The following PLXNA1 variants were observed in gnomAD, a reference collection of about 807,000 sequenced individuals.
The protein encoded by PLXNA1 is plexin-A1.
In PLXNA1, 77 loss-of-function variants were observed where a neutral mutation model predicts 191.7. The ratio of observed to expected loss-of-function variants is 0.40; its 90% CI spans 0.33 to 0.49. The LOEUF is 0.49. PLXNA1 is among the 20% of genes least tolerant of loss of function. The pLI is 0.63. For synonymous variants in PLXNA1, 1,137 were observed against 1,156.4 expected (o/e 0.98, Z 0.34); for missense variants, 2,110 against 2,660.2 (o/e 0.79, Z 4.55).
intron 28 of PLXNA1, 55 bp from the exon 29 acceptor site, chr3:127,030,188 G>A: frequency 1.3e-6 from 2 of 1,598,432 alleles, no homozygotes; most frequent in Non-Finnish European, 8.5e-7. Flanking sequence ...CACCCAGGAG[G>A]TGTAGGCAGC....
Position 126,989,509 on chromosome 3 carries a change from G to A in PLXNA1, c.916G>A (p.Gly306Ser), listed in dbSNP as rs932141090. 3 of 1,613,368 alleles carry A rather than the reference G, an allele frequency of 1.9e-6. No homozygotes were observed. The highest frequency in any genetic ancestry group is 2.5e-6 in the Non-Finnish European group (3 of 1,180,034). Residue 306 changes from glycine (G) to serine (S), a missense_variant, in exon 2 of 32, where the codon GGT becomes AGT. Coordinates refer to ENST00000393409, the MANE Select transcript of PLXNA1 (RefSeq NM_032242.4). ...GTTCCCCATTGGCTGCGAGCAGGCG[G>A]GTGTGGAGTACCGCCTGGTGCAGGA... ...VEFPIGCEQA[G>S]VEYRLVQDAY...
At chr3:126,996,861 C>T (rs1038798180) in intron 3 of PLXNA1, among the ~76,000 whole-genome samples, 2 of 152,184 alleles carry the variant, frequency 1.3e-5, no homozygotes, top group African/African-American at 4.8e-5. Context: ...ACTCCCGAGC[C>T]TGCAGGAGGG....
At chr3:127,020,131 A>G (rs2079145034) in intron 20 of PLXNA1, 71 bp from the exon 21 acceptor site, 1 of 1,572,192 alleles carries the variant, frequency 6.4e-7, no homozygotes, top group Non-Finnish European at 8.6e-7. Context: ...GTAGGCCCCA[A>G]GAGTGGGAGG....
At position 127,017,800 on chromosome 3, in the gene PLXNA1, G is replaced by T. The variant is rs778117692; in HGVS notation, c.3568G>T (p.Val1190Leu). ...CGGCAACTCCCGACTCAACTACACG[G>T]TGCTCATCGGCTCCACACCCTGTAC... is the stretch of plus-strand genomic sequence containing the variant. ...APGNSRLNYT[V>L]LIGSTPCTLT... The change falls in exon 19 of 32, where the codon GTG becomes TTG. Residue 1190 changes from valine (V) to leucine (L), a missense_variant. Coordinates refer to ENST00000393409, the MANE Select transcript of PLXNA1 (RefSeq NM_032242.4). The T allele has an allele frequency of 1.2e-6, 2 of 1,613,164 alleles. No individual in the cohort carries two copies. The highest frequency in any genetic ancestry group is 1.7e-5 in the Admixed American group (1 of 60,018).
At chr3:127,007,954 G>T in intron 9 of PLXNA1, 41 bp downstream of exon 9, 1 of 1,403,072 alleles carries the variant, frequency 7.1e-7, no homozygotes, top group South Asian at 1.2e-5. Context: ...TTCAGAGGTG[G>T]AGCAGAACTG....
intron 25 of PLXNA1, 110 bp from the exon 26 acceptor site, chr3:127,028,883 C>G: frequency 1.3e-6 from 1 of 750,548 alleles, no homozygotes. Flanking sequence ...ATGTCCCTGC[C>G]CTGTGCTGGT....
intron 4 of PLXNA1, among the ~76,000 whole-genome samples, chr3:127,003,740 TCCC>T (rs1340535928): frequency 1.3e-5 from 2 of 152,172 alleles, no homozygotes; most frequent in Non-Finnish European, 2.9e-5. Context: ...TTCCCACCCC[TCCC>T]CTGTTGACTT....
Position 127,017,558 on chromosome 3 carries a change from T to G in PLXNA1, c.3410T>G (p.Leu1137Arg). 1 of 1,613,776 alleles carries G rather than the reference T, an allele frequency of 6.2e-7. No homozygotes were observed. The change falls in exon 18 of 32, where the codon CTT becomes CGT. Residue 1137 changes from leucine (L) to arginine (R), a missense_variant. This residue lies in a region of PLXNA1 where 644 missense variants were observed against 714.3 expected (regional missense o/e 0.90). Coordinates refer to ENST00000393409, the MANE Select transcript of PLXNA1 (RefSeq NM_032242.4). ...GFVMDNVRSL[L>R]VLNSTSFLYY... is the part of the protein sequence containing the mutation. ...GTCATGGACAACGTGCGCTCCCTGC[T>G]TGTGCTCAACTCCACCTCCTTCCTC...
chr3:126,984,038 G>C (rs1225146408), intron 1 of PLXNA1, among the ~76,000 whole-genome samples: 1 of 152,202 alleles, frequency 6.6e-6, no homozygotes, highest in East Asian at 1.9e-4. Context: ...TCCAGGGTCA[G>C]CCGCTTCTCC....
rs752951132 is a variant in PLXNA1, at chr3:127,018,466, T to A, written c.3833T>A (p.Leu1278His). 1.2e-6 allele frequency: 2 copies of A among 1,612,840 alleles called. No homozygotes were observed. The highest frequency in any genetic ancestry group is 1.7e-6 in the Non-Finnish European group (2 of 1,179,824). ...AAGTCACGAGATGCTGACCGCACAC[T>A]CAAGCGGCTGCAGCTCCAGATGGAC... ...KRKSRDADRT[L>H]KRLQLQMDNL... The change falls in exon 20 of 32, where the codon CTC becomes CAC. Residue 1278 changes from leucine (L) to histidine (H), a missense_variant. Transcript: ENST00000393409.
Position 127,007,922 on chromosome 3 carries a change from G to A in PLXNA1, c.2112+9G>A, listed in dbSNP as rs777347091. 16 of 1,590,324 alleles carry A rather than the reference G, an allele frequency of 1.0e-5. No homozygotes were observed. The highest frequency in any genetic ancestry group is 2.2e-5 in the South Asian group (2 of 89,544). On this transcript the variant is annotated intron_variant, in intron 9 of 31. Coordinates refer to ENST00000393409, the MANE Select transcript of PLXNA1 (RefSeq NM_032242.4). The stretch of plus-strand genomic sequence containing the variant: ...GTGTCAACGTGTCTGAGGTAAGGCC[G>A]GGCAAGGGTGAGGGTCAGGTTTTCA...
intron 15 of PLXNA1, 123 bp from the exon 16 acceptor site, chr3:127,016,394 G>A: frequency 2.5e-6 from 2 of 815,962 alleles, no homozygotes; most frequent in Non-Finnish European, 4.0e-6. Flanking sequence ...GTGATAGTAT[G>A]CAGCCACCCA....
chr3:127,012,186 G>T (rs769157016), intron 10 of PLXNA1, 28 bp downstream of exon 10: 1 of 1,600,286 alleles, frequency 6.2e-7, no homozygotes, highest in East Asian at 2.3e-5. Flanking sequence ...GGGGCTGGGG[G>T]CCGTGAGCCG....
Position 127,006,087 on chromosome 3 carries a change from C to A in PLXNA1, c.1906C>A (p.Arg636=), listed in dbSNP as rs369477952. Residue 636 remains arginine (R), a synonymous_variant, in exon 8 of 32, where the codon CGG becomes AGG. Coordinates refer to ENST00000393409, the MANE Select transcript of PLXNA1 (RefSeq NM_032242.4). The stretch of plus-strand genomic sequence containing the variant: ...CCATGCTGCTCGTGCAGGAGACCAG[C>A]GGGTGGTGAAACTCTACCTAAAGTC... ...APITRGQGDQ[R]VVKLYLKSKE... The A allele has an allele frequency of 6.2e-7, 1 of 1,613,350 alleles. No individual in the cohort carries two copies. Among genetic ancestry groups the A allele is most frequent in the Non-Finnish European group, 8.5e-7 (1 of 1,179,672 alleles).
Position 127,034,087 on chromosome 3 carries a change from C to T in PLXNA1, c.*70C>T, listed in dbSNP as rs1477412959. 33 of 1,372,670 alleles carry T rather than the reference C, an allele frequency of 2.4e-5. No individual in the cohort carries two copies. The highest frequency in any genetic ancestry group is 3.2e-5 in the Non-Finnish European group (32 of 995,498). 85.0% of individuals were successfully genotyped at this position (1,372,670 alleles called of 1,614,324 possible). ...GAGCAGGGACCGGGACAGCCCTCAC[C>T]GCATGCGTGTGGAGTGTCCGGTGGT... On this transcript the variant is annotated 3_prime_UTR_variant, in exon 32 of 32. Transcript: ENST00000393409.
intron 21 of PLXNA1, among the ~76,000 whole-genome samples, 153 bp from the exon 22 acceptor site, chr3:127,021,932 C>T (rs1254942857): frequency 6.6e-6 from 1 of 152,234 alleles, no homozygotes; most frequent in African/African-American, 2.4e-5. Flanking sequence ...ACCCGCCGAG[C>T]TGAGGAGTCA....
chr3:127,018,029 C>A, intron 19 of PLXNA1, 137 bp downstream of exon 19: 2 of 1,256,440 alleles, frequency 1.6e-6, no homozygotes, highest in Non-Finnish European at 2.2e-6. Context: ...CCAGTGCAGG[C>A]CCTGCCGTAG....
Position 127,022,359 on chromosome 3 carries a change from T to C in PLXNA1, c.4295+18T>C. On this transcript the variant is annotated intron_variant, in intron 22 of 31. Transcript: ENST00000393409. ...CTGCGCCGGTGAGCCTGGGGGGCAC[T>C]GGGGTTGGGGGAGGCAGGCCCATGC... 1 of 1,601,306 alleles carries C rather than the reference T, an allele frequency of 6.2e-7. No individual in the cohort carries two copies. The highest frequency in any genetic ancestry group is 1.1e-5 in the South Asian group (1 of 90,830).
At chr3:126,993,804 A>G (rs371674805) in intron 3 of PLXNA1, among the ~76,000 whole-genome samples, 1 of 152,220 alleles carries the variant, frequency 6.6e-6, no homozygotes, top group East Asian at 1.9e-4. Context: ...CTGGATGCAG[A>G]CACGGTCATG....
Sources: allele counts gnomAD v4.1 joint callset (sites outside exome capture counted in the v4.1 genomes callset), GRCh38; gene constraint gnomAD v4.1.1; regional missense constraint gnomAD v4.1.1; transcripts MANE v1.5; gene names NCBI Gene and HGNC (gene_info 2026-07-23, HGNC 2026-07-21).